The following PCDHGA3 variants were observed in gnomAD, a reference collection of about 807,000 sequenced individuals.
PCDHGA3 encodes the protein protocadherin gamma-A3.
Under a neutral mutation model 58.5 loss-of-function variants are expected in PCDHGA3, and 40 were observed. That is an observed-to-expected ratio of 0.68 (90% CI 0.53 to 0.89). The LOEUF is 0.89. Among genes scored for constraint, PCDHGA3 ranks in the 40% least tolerant of loss-of-function variants. The pLI is 0.00. For missense variants in PCDHGA3, 1,223 were observed against 1,195.9 expected (o/e 1.02, Z -0.33); for synonymous variants, 530 against 525.7 (o/e 1.01, Z -0.11).
At chr5:141,506,252 C>T (rs1158047426) in intron 3 of PCDHGA3, among the ~76,000 whole-genome samples, 1 of 151,968 alleles carries the variant, frequency 6.6e-6, no homozygotes, top group African/African-American at 2.4e-5. Flanking sequence ...AGTTCGAAAC[C>T]GGCCTGGCCA....
Position 141,350,398 on chromosome 5 carries a change from G to T in PCDHGA3, c.2424+3941G>T, listed in dbSNP as rs1056572833. ...AGCTAGCCAACGGCTCACGGGTGGG[G>T]AAACTTGCCAAGGATCTGGGGCTCA... On this transcript the variant is annotated intron_variant, in intron 1 of 3. Transcript: ENST00000253812. 16 of 1,599,976 alleles carry T rather than the reference G, an allele frequency of 1.0e-5. No individual in the cohort carries two copies. In the Admixed American group the frequency reaches 1.9e-4, roughly 19 times the overall value.
At chr5:141,354,916 A>G (rs916741222) in intron 1 of PCDHGA3, 3 of 411,270 alleles carry the variant, frequency 7.3e-6, no homozygotes, top group African/African-American at 6.2e-5. Flanking sequence ...AAAAGTGTAT[A>G]AAAAATAAAC....
chr5:141,404,877 T>A (rs1242099855), intron 1 of PCDHGA3: 2 of 1,613,738 alleles, frequency 1.2e-6, no homozygotes, highest in Non-Finnish European at 1.7e-6. Flanking sequence ...AAACAGAGCC[T>A]TGTGGTGGCT....
chr5:141,384,090 A>C (rs765649529), intron 1 of PCDHGA3: 1 of 1,596,410 alleles, frequency 6.3e-7, no homozygotes, highest in South Asian at 1.1e-5. Context: ...TAGAAAAATC[A>C]ATAGATAATT....
At chr5:141,364,941 A>C in intron 1 of PCDHGA3, 1 of 1,613,952 alleles carries the variant, frequency 6.2e-7, no homozygotes, top group Non-Finnish European at 8.5e-7. Flanking sequence ...GACCGCGAGA[A>C]AGAGACTGTT....
At chr5:141,367,035 T>G (rs977436173) in intron 1 of PCDHGA3, 1 of 366,848 alleles carries the variant, frequency 2.7e-6, no homozygotes, top group Non-Finnish European at 4.9e-6. Flanking sequence ...GGAACTGCAG[T>G]TCTATTAATA....
chr5:141,450,916 C>T (rs1168320527), intron 1 of PCDHGA3, among the ~76,000 whole-genome samples: 1 of 151,580 alleles, frequency 6.6e-6, no homozygotes, highest in Admixed American at 6.6e-5. Flanking sequence ...CCGCTGCCTC[C>T]CAGATTCAAG....
chr5:141,400,465 T>G (rs769092002), intron 1 of PCDHGA3: 2 of 1,614,060 alleles, frequency 1.2e-6, no homozygotes, highest in Admixed American at 1.7e-5. Context: ...TTGTGGTGAT[T>G]CATCTGGGGC....
intron 1 of PCDHGA3, chr5:141,419,592 T>C (rs1561782617): frequency 6.2e-7 from 1 of 1,611,670 alleles, no homozygotes. Context: ...TTCGACACAG[T>C]GCCGCGGGCC....
At chr5:141,498,419 G>A (rs78940285) in intron 2 of PCDHGA3, among the ~76,000 whole-genome samples, 4,023 of 152,260 alleles carry the variant, frequency 0.026, 75 homozygotes, top group Non-Finnish European at 0.043. Flanking sequence ...TGCTGGCACT[G>A]GAGTGAGGGG....
chr5:141,418,988 G>A, intron 1 of PCDHGA3: 1 of 1,613,946 alleles, frequency 6.2e-7, no homozygotes, highest in Non-Finnish European at 8.5e-7. Context: ...CCAAGACTCA[G>A]GGGAAAATGG....
intron 1 of PCDHGA3, chr5:141,433,292 C>A: frequency 9.2e-7 from 1 of 1,082,526 alleles, no homozygotes; most frequent in South Asian, 1.6e-5. Context: ...CTCCTAGGCT[C>A]AAGCAATTAT....
At chr5:141,375,754 C>A (rs764343077) in intron 1 of PCDHGA3, 1 of 1,614,244 alleles carries the variant, frequency 6.2e-7, no homozygotes, top group East Asian at 2.2e-5. Flanking sequence ...ACCAGAATGA[C>A]AATGCGCCCG....
chr5:141,439,556 C>A (rs543620281), intron 1 of PCDHGA3, among the ~76,000 whole-genome samples: 1 of 152,268 alleles, frequency 6.6e-6, no homozygotes, highest in East Asian at 1.9e-4. Context: ...CTTCAGGCTG[C>A]AGTTCTAGAG....
intron 1 of PCDHGA3, chr5:141,409,110 A>T: frequency 6.2e-7 from 1 of 1,614,060 alleles, no homozygotes; most frequent in Non-Finnish European, 8.5e-7. Context: ...ATGATTAAGA[A>T]TAACCAGTCA....
intron 1 of PCDHGA3, chr5:141,410,388 C>G (rs1312753736): frequency 6.2e-7 from 1 of 1,613,962 alleles, no homozygotes; most frequent in African/African-American, 1.3e-5. Flanking sequence ...TGCTTCCATC[C>G]TGGTCTCTGT....
At chr5:141,404,186 C>G in intron 1 of PCDHGA3, 1 of 1,613,086 alleles carries the variant, frequency 6.2e-7, no homozygotes, top group Non-Finnish European at 8.5e-7. Flanking sequence ...AATTCTTGAC[C>G]GAGAAAAAGC....
At chr5:141,382,873 C>G (rs1338163064) in intron 1 of PCDHGA3, 4 of 1,522,326 alleles carry the variant, frequency 2.6e-6, no homozygotes, top group Non-Finnish European at 3.5e-6. Context: ...CCGAGATCGG[C>G]GCCTAAGCAA....
intron 1 of PCDHGA3, chr5:141,421,565 A>T (rs1373619696): frequency 1.2e-6 from 2 of 1,613,834 alleles, no homozygotes; most frequent in Admixed American, 3.3e-5. Context: ...CTCGTGGAAG[A>T]CACCTTGAAG....
Sources: allele counts gnomAD v4.1 joint callset (sites outside exome capture counted in the v4.1 genomes callset), GRCh38; gene constraint gnomAD v4.1.1; transcripts MANE v1.5; gene names NCBI Gene and HGNC (gene_info 2026-07-23, HGNC 2026-07-21).